Variants in DNER observed in about 807,000 individuals in gnomAD.
DNER encodes delta and Notch-like epidermal growth factor-related receptor.
DNER carries 33 observed loss-of-function variants against 78.2 expected under a neutral mutation model. The ratio of observed to expected loss-of-function variants is 0.42; its 90% CI spans 0.32 to 0.56. The LOEUF is 0.56. Ranked by LOEUF, DNER falls within the 20% of genes least tolerant of loss-of-function variation. DNER has a pLI of 0.11. For synonymous variants in DNER, 417 were observed against 384.8 expected (o/e 1.08, Z -0.98); for missense variants, 918 against 975.3 (o/e 0.94, Z 0.78).
intron 5 of DNER, among the ~76,000 whole-genome samples, chr2:229,515,866 C>T (rs1695960520): frequency 6.6e-6 from 1 of 152,028 alleles, no homozygotes; most frequent in Admixed American, 6.6e-5. Flanking sequence ...GTCTCGAACT[C>T]CTGACCTCAG....
At position 229,485,073 on chromosome 2, in the gene DNER, A is replaced by T. The variant is rs141166495; in HGVS notation, c.1148-7820T>A. Among the ~76,000 whole-genome samples, 307 of 152,350 alleles carry T rather than the reference A, an allele frequency of 2.0e-3. 2 individuals carry two copies. Among genetic ancestry groups the T allele is most frequent in the African/African-American group, 4.6e-3 (190 of 41,574 alleles). ...ATAATTCATTCAAAAACAGATGACT[A>T]TTGAAAATACTGACCTCTCCTTTCA... On this transcript the variant is annotated intron_variant, in intron 6 of 12. Coordinates refer to ENST00000341772, the MANE Select transcript of DNER (RefSeq NM_139072.4).
In DNER at chr2:229,567,448, G is replaced by A. The variant is rs553859114; in HGVS notation, c.847+18410C>T. 8.5e-5 allele frequency among the ~76,000 whole-genome samples: 13 copies of A among 152,310 alleles called. 1 individual carries two copies. The highest frequency in any genetic ancestry group is 2.9e-4 in the African/African-American group (12 of 41,572). On this transcript the variant is annotated intron_variant, in intron 4 of 12. Coordinates refer to ENST00000341772, the MANE Select transcript of DNER (RefSeq NM_139072.4). ...AGAGGGTAAGTGAGCTGACTATGGTGATGGCAAATATGGGCATACAAGAGA... is the reference window on the plus strand; with the variant it reads ...AGAGGGTAAGTGAGCTGACTATGGTAATGGCAAATATGGGCATACAAGAGA...
intron 8 of DNER, among the ~76,000 whole-genome samples, chr2:229,421,712 A>T (rs1017403805): frequency 6.6e-6 from 1 of 151,718 alleles, no homozygotes; most frequent in African/African-American, 2.4e-5. Context: ...ATGTATATGT[A>T]AAGAGTTAAG....
intron 10 of DNER, among the ~76,000 whole-genome samples, chr2:229,406,076 A>C (rs567660827): frequency 3.0e-4 from 45 of 152,294 alleles, no homozygotes; most frequent in African/African-American, 1.0e-3. Context: ...GGAAAATCAG[A>C]AGTTGCTTTT....
At chr2:229,561,597 A>C (rs1056080605) in intron 4 of DNER, among the ~76,000 whole-genome samples, 3 of 152,150 alleles carry the variant, frequency 2.0e-5, no homozygotes, top group African/African-American at 4.8e-5. Flanking sequence ...GACATTCTAC[A>C]CTTTTCCAAA....
chr2:229,363,823 C>T (rs908296673), intron 12 of DNER, among the ~76,000 whole-genome samples: 4 of 152,060 alleles, frequency 2.6e-5, no homozygotes, highest in Non-Finnish European at 5.9e-5. Flanking sequence ...CCTGAAGGAT[C>T]GTAGCCATGG....
At chr2:229,414,698 C>T (rs186407763) in intron 9 of DNER, among the ~76,000 whole-genome samples, 44 of 152,280 alleles carry the variant, frequency 2.9e-4, no homozygotes, top group Non-Finnish European at 4.6e-4. Flanking sequence ...GTGGACACAG[C>T]CTAGAGTGAC....
intron 7 of DNER, among the ~76,000 whole-genome samples, chr2:229,470,781 C>T (rs963623496): frequency 2.0e-5 from 3 of 152,062 alleles, no homozygotes; most frequent in Non-Finnish European, 4.4e-5. Context: ...ATCTGGGAAG[C>T]GGAGGTTACA....
intron 5 of DNER, among the ~76,000 whole-genome samples, chr2:229,517,746 G>A (rs1696008947): frequency 6.6e-6 from 1 of 152,208 alleles, no homozygotes; most frequent in African/African-American, 2.4e-5. Flanking sequence ...GGTTGTCACA[G>A]CCGAGGGCTT....
intron 11 of DNER, among the ~76,000 whole-genome samples, chr2:229,387,481 GAAAA>G: frequency 1.2e-5 from 1 of 84,726 alleles, no homozygotes; most frequent in Non-Finnish European, 2.6e-5. Context: ...ATAATAGAAA[GAAAA>G]AGAAAGAAAG....
At chr2:229,462,740 C>G (rs1273395478) in intron 7 of DNER, among the ~76,000 whole-genome samples, 1 of 152,006 alleles carries the variant, frequency 6.6e-6, no homozygotes, top group Non-Finnish European at 1.5e-5. Flanking sequence ...AAAATTTGAC[C>G]TCCTTTCCAT....
chr2:229,583,327 C>T (rs1189754390), intron 4 of DNER, among the ~76,000 whole-genome samples: 1 of 152,220 alleles, frequency 6.6e-6, no homozygotes, highest in Non-Finnish European at 1.5e-5. Context: ...CTAATTTAAA[C>T]GTGCTCAAAA....
chr2:229,458,135 C>CAAAAAAAAAA (rs61340733), intron 7 of DNER, among the ~76,000 whole-genome samples: 6 of 17,714 alleles, frequency 3.4e-4, no homozygotes, highest in African/African-American at 4.3e-4. Context: ...GACTCTATCT[C>CAAAAAAAAAA]AAAAAAAAAA....
intron 7 of DNER, among the ~76,000 whole-genome samples, chr2:229,453,766 C>T (rs1003899371): frequency 6.6e-6 from 1 of 151,974 alleles, no homozygotes; most frequent in Non-Finnish European, 1.5e-5. Flanking sequence ...GTCTTTGTAT[C>T]CCTGTTGCTC....
intron 1 of DNER, among the ~76,000 whole-genome samples, chr2:229,629,103 G>A (rs1698393367): frequency 6.6e-6 from 1 of 152,186 alleles, no homozygotes; most frequent in Non-Finnish European, 1.5e-5. Flanking sequence ...CAGCTCTGTA[G>A]ATTGCCATAC....
At chr2:229,471,059 G>T (rs1694914164) in intron 7 of DNER, among the ~76,000 whole-genome samples, 1 of 151,998 alleles carries the variant, frequency 6.6e-6, no homozygotes, top group Non-Finnish European at 1.5e-5. Context: ...AGGGTATGTG[G>T]CATGTTTCTT....
intron 7 of DNER, 136 bp from the exon 8 acceptor site, chr2:229,447,676 G>T: frequency 1.0e-6 from 1 of 977,752 alleles, no homozygotes; most frequent in Non-Finnish European, 1.5e-6. Context: ...AACCCAACAA[G>T]ATAGGTAGGT....
chr2:229,700,289 T>TGTGTGC (rs1211330248), intron 1 of DNER, among the ~76,000 whole-genome samples: 2 of 96,916 alleles, frequency 2.1e-5, no homozygotes, highest in Admixed American at 2.3e-4. Flanking sequence ...AATATATGTG[T>TGTGTGC]GTGTGTGTGT....
chr2:229,492,163 A>G (rs1056942955), intron 6 of DNER, among the ~76,000 whole-genome samples: 4 of 152,198 alleles, frequency 2.6e-5, no homozygotes, highest in African/African-American at 7.2e-5. Context: ...CACATAGTAC[A>G]CATTCAGTAA....
Sources: gnomAD v4.1 joint callset for allele counts (sites outside exome capture counted in the v4.1 genomes callset) on GRCh38, gnomAD v4.1.1 for gene constraint, MANE v1.5 for transcripts, NCBI Gene and HGNC (gene_info 2026-07-23, HGNC 2026-07-21) for gene names.